PDE4D: variants seen among roughly 807,000 people sequenced by gnomAD.
PDE4D encodes the protein phosphodiesterase 4D, also known as 3',5'-cyclic-AMP phosphodiesterase 4D.
In PDE4D, 24 loss-of-function variants were observed where a neutral mutation model predicts 87.4. The ratio of observed to expected loss-of-function variants is 0.27; its 90% CI spans 0.20 to 0.39. The LOEUF (loss-of-function observed/expected upper bound fraction) is 0.39, where lower values mean the gene tolerates loss of function less well. PDE4D is among the 10% of genes least tolerant of loss of function. The pLI is 1.00. For missense variants in PDE4D, 714 were observed against 1,041.0 expected (o/e 0.69, Z 4.32); for synonymous variants, 384 against 383.2 (o/e 1.00, Z -0.02).
intron 1 of PDE4D, among the ~76,000 whole-genome samples, chr5:59,243,521 G>A (rs1758141267): frequency 7.3e-6 from 1 of 137,580 alleles, no homozygotes; most frequent in Non-Finnish European, 1.5e-5. Flanking sequence ...GTGCAGTGGA[G>A]TGATCTTGGC....
At chr5:59,705,767 C>G (rs1753302792) in intron 1 of PDE4D, among the ~76,000 whole-genome samples, 1 of 152,046 alleles carries the variant, frequency 6.6e-6, no homozygotes, top group Admixed American at 6.6e-5. Flanking sequence ...TTTATTCTTC[C>G]CAATAGTTTG....
chr5:59,458,682 A>T (rs533947856), intron 1 of PDE4D, among the ~76,000 whole-genome samples: 3 of 152,262 alleles, frequency 2.0e-5, no homozygotes, highest in Non-Finnish European at 4.4e-5. Context: ...GTTAACCTAC[A>T]ACGATTTCTG....
At chr5:59,645,038 A>G (rs2150210169) in intron 1 of PDE4D, among the ~76,000 whole-genome samples, 1 of 152,356 alleles carries the variant, frequency 6.6e-6, no homozygotes, top group South Asian at 2.1e-4. Context: ...CATTTGAATT[A>G]TTGGCTATCA....
intron 11 of PDE4D, among the ~76,000 whole-genome samples, chr5:58,982,625 A>T (rs1224026003): frequency 1.3e-5 from 2 of 152,166 alleles, no homozygotes; most frequent in African/African-American, 2.4e-5. Context: ...TAGCTGGCTG[A>T]TCCCCCCAAA....
intron 5 of PDE4D, chr5:59,091,089 A>G (rs1003391066): frequency 4.8e-5 from 22 of 454,198 alleles, no homozygotes; most frequent in East Asian, 4.2e-4. Flanking sequence ...CACTCTCATT[A>G]GTAATCAGAG....
chr5:60,100,669 T>C (rs888202796), intron 2 of PDE4D, among the ~76,000 whole-genome samples: 1 of 152,132 alleles, frequency 6.6e-6, no homozygotes, highest in Non-Finnish European at 1.5e-5. Context: ...TCTTCAACCT[T>C]GCATTGTTTT....
At chr5:59,052,968 T>C (rs560974559) in intron 5 of PDE4D, among the ~76,000 whole-genome samples, 136 of 152,254 alleles carry the variant, frequency 8.9e-4, no homozygotes, top group African/African-American at 3.2e-3. Context: ...TTTTAAAACA[T>C]GGTCAAAATT....
chr5:60,310,944 T>C (rs1458620261), intron 1 of PDE4D, among the ~76,000 whole-genome samples: 1 of 152,100 alleles, frequency 6.6e-6, no homozygotes, highest in Non-Finnish European at 1.5e-5. Flanking sequence ...ACATTCCCCA[T>C]ACATAGGAAA....
At position 59,501,973 on chromosome 5, in the gene PDE4D, A is replaced by C. The variant is rs898355823; in HGVS notation, c.456-286005T>G. 1.1e-4 allele frequency among the ~76,000 whole-genome samples: 17 copies of C among 152,136 alleles called. 1 individual carries two copies. Among genetic ancestry groups the C allele is most frequent in the Admixed American group, 7.9e-4 (12 of 15,274 alleles). ...TGCTCTTGCTTGCAGTTTCCCCAGG[A>C]ATTTTTACAGTGCCTTTGGAGACTC... On this transcript the variant is annotated intron_variant, in intron 1 of 14. Coordinates refer to ENST00000340635, the MANE Select transcript of PDE4D (RefSeq NM_001104631.2).
intron 1 of PDE4D, among the ~76,000 whole-genome samples, chr5:60,196,937 C>T (rs1034479785): frequency 6.6e-6 from 1 of 151,244 alleles, no homozygotes; most frequent in Non-Finnish European, 1.5e-5. Flanking sequence ...AATTACAAAT[C>T]ATAGTCTGTA....
intron 1 of PDE4D, among the ~76,000 whole-genome samples, chr5:59,595,222 C>G (rs1826494929): frequency 6.6e-6 from 1 of 152,100 alleles, no homozygotes; most frequent in Admixed American, 6.6e-5. Flanking sequence ...GAATGTTTAA[C>G]ACATATTTTG....
At chr5:59,780,140 G>A (rs764475451) in intron 1 of PDE4D, among the ~76,000 whole-genome samples, 9 of 152,202 alleles carry the variant, frequency 5.9e-5, no homozygotes, top group East Asian at 1.9e-4. Context: ...AAGGCAGGTC[G>A]ATTACCTGAG....
intron 1 of PDE4D, among the ~76,000 whole-genome samples, chr5:59,712,617 G>C (rs1754376060): frequency 6.7e-6 from 1 of 149,776 alleles, no homozygotes; most frequent in South Asian, 2.1e-4. Context: ...TGCCCAATGA[G>C]CATAAAGCTA....
chr5:59,574,058 A>ATATAT (rs1491123515), intron 1 of PDE4D, among the ~76,000 whole-genome samples: 1 of 57,532 alleles, frequency 1.7e-5, no homozygotes, highest in East Asian at 5.3e-4. Flanking sequence ...ATTTATATAT[A>ATATAT]AAAATATATA....
intron 1 of PDE4D, among the ~76,000 whole-genome samples, chr5:59,451,043 T>C (rs1026431626): frequency 1.3e-5 from 2 of 152,226 alleles, no homozygotes; most frequent in African/African-American, 2.4e-5. Flanking sequence ...ATCTTGATTC[T>C]CCCTTTGTAC....
intron 2 of PDE4D, among the ~76,000 whole-genome samples, chr5:60,081,811 G>T (rs189914304): frequency 8.5e-5 from 13 of 152,256 alleles, no homozygotes; most frequent in Non-Finnish European, 1.5e-4. Flanking sequence ...TAAGAGGTCT[G>T]CCATTAGTCT....
intron 3 of PDE4D, among the ~76,000 whole-genome samples, chr5:59,191,938 T>C (rs10055769): frequency 0.53 from 80,469 of 151,938 alleles, 22,990 homozygotes; most frequent in Middle Eastern, 0.7. Flanking sequence ...CATCATATTA[T>C]TAAATCATAC....
At chr5:59,091,130 C>G in intron 5 of PDE4D, 1 of 452,616 alleles carries the variant, frequency 2.2e-6, no homozygotes, top group Non-Finnish European at 4.4e-6. Flanking sequence ...AGAGCCCTGT[C>G]ATTTGAAAAA....
At chr5:59,055,334 ATATCTGTCCTTAATCAAGAACT>A (rs1762177054) in intron 5 of PDE4D, among the ~76,000 whole-genome samples, 1 of 152,120 alleles carries the variant, frequency 6.6e-6, no homozygotes, top group Non-Finnish European at 1.5e-5. Flanking sequence ...AATTATTATG[ATATCTGTCCTTAATCAAGAACT>A]TATACTGGAT....
Sources: gnomAD v4.1 joint callset for allele counts (sites outside exome capture counted in the v4.1 genomes callset) on GRCh38, gnomAD v4.1.1 for gene constraint, MANE v1.5 for transcripts, NCBI Gene and HGNC (gene_info 2026-07-23, HGNC 2026-07-21) for gene names.